Variants in SLC4A8 observed in about 807,000 individuals in gnomAD.
The protein encoded by SLC4A8 is electroneutral sodium bicarbonate exchanger 1.
A neutral mutation model predicts 125.0 loss-of-function variants in SLC4A8; 40 were observed. The observed-to-expected ratio is 0.32, with a 90% confidence interval of 0.25 to 0.42. The LOEUF is 0.42. SLC4A8 is among the 10% of genes least tolerant of loss of function. The pLI, the probability that SLC4A8 is intolerant of heterozygous loss-of-function variation, is 1.00. For synonymous variants in SLC4A8, 456 were observed against 476.0 expected, an observed-to-expected ratio of 0.96 and a Z score of 0.55; for missense variants, 863 against 1,355.1, an observed-to-expected ratio of 0.64 and a Z score of 5.70.
chr12:51,500,053 G>A (rs994119213), intron 22 of SLC4A8, among the ~76,000 whole-genome samples: 16 of 152,278 alleles, frequency 1.1e-4, no homozygotes, highest in African/African-American at 3.9e-4. Flanking sequence ...TGCTAATGAT[G>A]GTGGGCATGG....
chr12:51,410,928 G>A (rs1384985569), intron 1 of SLC4A8, among the ~76,000 whole-genome samples: 4 of 142,110 alleles, frequency 2.8e-5, no homozygotes, highest in African/African-American at 5.3e-5. Context: ...AGGCTGGAAT[G>A]CAGTGGCAGG....
chr12:51,480,346 C>A, intron 16 of SLC4A8: 2 of 1,174,832 alleles, frequency 1.7e-6, no homozygotes, highest in East Asian at 7.5e-5. Flanking sequence ...GGCAGATTTC[C>A]CTGGAATAAA....
intron 24 of SLC4A8, 71 bp from the exon 25 acceptor site, chr12:51,507,355 C>T: frequency 9.5e-7 from 1 of 1,054,950 alleles, no homozygotes; most frequent in Non-Finnish European, 1.3e-6. Flanking sequence ...GTGACATCTT[C>T]AAAGTATTGT....
chr12:51,493,094 T>C (rs192718851), intron 19 of SLC4A8, among the ~76,000 whole-genome samples: 102 of 152,196 alleles, frequency 6.7e-4, no homozygotes, highest in African/African-American at 2.3e-3. Flanking sequence ...AGGCCCAATT[T>C]CCCTACCTCA....
At chr12:51,467,714 T>G (rs1278094744) in intron 11 of SLC4A8, among the ~76,000 whole-genome samples, 1 of 152,222 alleles carries the variant, frequency 6.6e-6, no homozygotes, top group Admixed American at 6.5e-5. Context: ...TGAACCCCCA[T>G]GTACCCATCA....
In SLC4A8 at chr12:51,417,450, G is replaced by A. The variant is rs570441881; in HGVS notation, c.-111-23258G>A. Among the ~76,000 whole-genome samples the A allele has an allele frequency of 3.9e-5, 6 of 152,066 alleles. No homozygotes were observed. The East Asian group carries it at 9.7e-4, about 25-fold the overall frequency. ...GAACCTCTGCCTCCTGGGTTCAAGC[G>A]ATTCTCCCACGTCAGCCTCCCGAGT... On this transcript the variant is annotated intron_variant, in intron 1 of 24. Coordinates refer to the SLC4A8 transcript ENST00000358657.
intron 2 of SLC4A8, among the ~76,000 whole-genome samples, chr12:51,445,451 G>A (rs146133035): frequency 2.1e-3 from 325 of 152,210 alleles, no homozygotes; most frequent in Non-Finnish European, 3.8e-3. Context: ...AACAGGTGTG[G>A]GCCGCTGTGC....
intron 1 of SLC4A8, among the ~76,000 whole-genome samples, chr12:51,408,897 C>T (rs527616559): frequency 6.6e-6 from 1 of 152,222 alleles, no homozygotes; most frequent in Admixed American, 6.5e-5. Context: ...ACTAGGTACC[C>T]AGTCTTGTTT....
Position 51,495,019 on chromosome 12 carries a change from G to T in SLC4A8, c.2844G>T (p.Pro948=). 6.2e-7 allele frequency: 1 copy of T among 1,614,110 alleles called. No individual in the cohort carries two copies. The highest frequency in any genetic ancestry group is 8.5e-7 in the Non-Finnish European group (1 of 1,179,956). ...QPDFIYLRHV[P]LRKVHLFTLI... Reference sequence around the variant, plus strand: ...ATTTCATCTACCTGCGGCATGTGCCGCTGCGCAAAGTGCACCTCTTCACCC... The same window carrying T: ...ATTTCATCTACCTGCGGCATGTGCCTCTGCGCAAAGTGCACCTCTTCACCC... The change falls in exon 21 of 25, where the codon CCG becomes CCT. Residue 948 remains proline (P), a synonymous_variant. Transcript: ENST00000453097.
chr12:51,438,781 C>G (rs1216332796), intron 1 of SLC4A8, among the ~76,000 whole-genome samples: 1 of 152,140 alleles, frequency 6.6e-6, no homozygotes, highest in Non-Finnish European at 1.5e-5. Context: ...ATATCCTTGC[C>G]AGCATTTGTT....
At chr12:51,408,844 G>T (rs76308020) in intron 1 of SLC4A8, among the ~76,000 whole-genome samples, 6,211 of 152,160 alleles carry the variant, frequency 0.041, 383 homozygotes, top group African/African-American at 0.13. Flanking sequence ...GCACTCCAGA[G>T]CATTTTCCTT....
In SLC4A8 at chr12:51,475,214, G is replaced by A. The variant is rs1277222002; in HGVS notation, c.2172+8G>A. The A allele has an allele frequency of 4.3e-6, 7 of 1,612,710 alleles. No individual in the cohort carries two copies. Among genetic ancestry groups the A allele is most frequent in the African/African-American group, 4.0e-5 (3 of 74,892 alleles). ...CGTTATTTCCCAACCAGAGTAGGTA[G>A]CATGTTCATGCATTTCTTTCACGTT... On this transcript the variant is annotated splice_region_variant and intron_variant, in intron 16 of 24. Transcript: ENST00000453097.
At chr12:51,421,918 T>C (rs1850709), upstream of SLC4A8, 141,044 of 152,284 alleles carry the variant, frequency 0.93, 65,382 homozygotes, top group Non-Finnish European at 0.95. Flanking sequence ...ATCACATAAC[T>C]CTTTATTTAC....
At chr12:51,415,220 A>G (rs542838659) in intron 1 of SLC4A8, among the ~76,000 whole-genome samples, 3 of 151,880 alleles carry the variant, frequency 2.0e-5, no homozygotes, top group Admixed American at 1.3e-4. Flanking sequence ...TTTTGCACCA[A>G]CCTAATTTTG....
intron 1 of SLC4A8, among the ~76,000 whole-genome samples, chr12:51,404,143 C>T (rs1031731483): frequency 3.3e-5 from 5 of 152,120 alleles, no homozygotes; most frequent in Non-Finnish European, 4.4e-5. Context: ...CAAAAGCAGA[C>T]GCAAATAGGA....
chr12:51,415,202 G>A (rs1002522152), intron 1 of SLC4A8, among the ~76,000 whole-genome samples: 3 of 151,650 alleles, frequency 2.0e-5, no homozygotes, highest in South Asian at 2.1e-4. Context: ...GTCAAATACC[G>A]CAATTACTTT....
chr12:51,412,320 A>T (rs542632761), intron 1 of SLC4A8, among the ~76,000 whole-genome samples: 1 of 152,136 alleles, frequency 6.6e-6, no homozygotes. Flanking sequence ...TAATAATTAT[A>T]TATATTTATG....
chr12:51,470,011 T>C (rs546376189), intron 12 of SLC4A8, among the ~76,000 whole-genome samples: 1 of 152,290 alleles, frequency 6.6e-6, no homozygotes, highest in Admixed American at 6.5e-5. Flanking sequence ...GGTTGCCCAG[T>C]TGAATTTTCT....
chr12:51,439,230 T>A (rs987545476), intron 1 of SLC4A8, among the ~76,000 whole-genome samples: 1 of 152,102 alleles, frequency 6.6e-6, no homozygotes, highest in Non-Finnish European at 1.5e-5. Context: ...ATAATTTTTT[T>A]ATTTTTAGTA....
Sources: gnomAD v4.1 joint callset for allele counts (sites outside exome capture counted in the v4.1 genomes callset) on GRCh38, gnomAD v4.1.1 for gene constraint, MANE v1.5 for transcripts, NCBI Gene and HGNC (gene_info 2026-07-23, HGNC 2026-07-21) for gene names.